CECR2: variants seen among roughly 807,000 people sequenced by gnomAD.
CECR2 encodes chromatin remodeling regulator CECR2.
In CECR2, 30 loss-of-function variants were observed where a neutral mutation model predicts 154.5. The ratio of observed to expected loss-of-function variants is 0.19; its 90% CI spans 0.15 to 0.26. CECR2 has a LOEUF of 0.26. Among genes scored for constraint, CECR2 ranks in the 10% least tolerant of loss-of-function variants. The pLI, the probability that CECR2 is intolerant of heterozygous loss-of-function variation, is 1.00. For synonymous variants in CECR2, 725 were observed against 683.7 expected, an observed-to-expected ratio of 1.06 and a Z score of -0.94; for missense variants, 1,743 against 1,829.3, an observed-to-expected ratio of 0.95 and a Z score of 0.86.
chr22:17,423,121 C>A (rs1057372239), intron 1 of CECR2, among the ~76,000 whole-genome samples: 2 of 152,046 alleles, frequency 1.3e-5, no homozygotes, highest in Non-Finnish European at 2.9e-5. Flanking sequence ...GTGAAGTAGG[C>A]CTTTAGCAAT....
At chr22:17,364,058 A>G (rs2062989256) in intron 1 of CECR2, among the ~76,000 whole-genome samples, 1 of 152,086 alleles carries the variant, frequency 6.6e-6, no homozygotes, top group South Asian at 2.1e-4. Flanking sequence ...AATTTGTGCC[A>G]TACTCCCGGG....
At chr22:17,533,239 G>A (rs897265072) in intron 9 of CECR2, among the ~76,000 whole-genome samples, 8 of 150,902 alleles carry the variant, frequency 5.3e-5, no homozygotes, top group Non-Finnish European at 1.0e-4. Flanking sequence ...AGAATCGCTT[G>A]TACCCAGGAG....
intron 8 of CECR2, among the ~76,000 whole-genome samples, chr22:17,523,138 C>T (rs1055764992): frequency 6.6e-6 from 1 of 151,986 alleles, no homozygotes; most frequent in African/African-American, 2.4e-5. Flanking sequence ...TGGAGTATTA[C>T]GCCTGTAATC....
At chr22:17,481,292 A>G (rs1317393923) in intron 2 of CECR2, among the ~76,000 whole-genome samples, 5 of 148,046 alleles carry the variant, frequency 3.4e-5, no homozygotes, top group Admixed American at 6.8e-5. Flanking sequence ...GCAGTGAGCC[A>G]AGATCGTGTC....
chr22:17,423,432 AGGAGGT>A (rs1466438430), intron 1 of CECR2, among the ~76,000 whole-genome samples: 1 of 151,922 alleles, frequency 6.6e-6, no homozygotes, highest in Non-Finnish European at 1.5e-5. Context: ...GCTTGAACCC[AGGAGGT>A]GGAAGCTGCA....
intron 1 of CECR2, among the ~76,000 whole-genome samples, chr22:17,380,415 G>A (rs139470036): frequency 6.6e-6 from 1 of 152,228 alleles, no homozygotes; most frequent in Non-Finnish European, 1.5e-5. Flanking sequence ...GACATTGGCC[G>A]GTTTAAATGA....
rs2056656998 is a variant in CECR2 at position 17,548,797 on chromosome 22, T to C, written c.3510T>C (p.Ser1170=). The change falls in exon 17 of 19, where the codon TCT becomes TCC. Residue 1170 remains serine, a synonymous_variant. Transcript: ENST00000262608. The stretch of plus-strand genomic sequence containing the variant: ...GCTTTCAGTCTAACCACCCACATTC[T>C]GGAGGCTTTCCCCGGTATCGCCCCC... ...PRGFQSNHPH[S]GGFPRYRPPQ... 6.2e-7 allele frequency: 1 copy of C among 1,613,652 alleles called. No homozygotes were observed. The highest frequency in any genetic ancestry group is 1.7e-5 in the Admixed American group (1 of 60,000).
chr22:17,364,161 G>A (rs985872798), intron 1 of CECR2, among the ~76,000 whole-genome samples: 11 of 151,604 alleles, frequency 7.3e-5, no homozygotes, highest in African/African-American at 2.7e-4. Flanking sequence ...GGCTAACACG[G>A]TGAAACCCCG....
intron 1 of CECR2, among the ~76,000 whole-genome samples, chr22:17,389,224 T>C (rs536032362): frequency 7.2e-5 from 11 of 152,290 alleles, no homozygotes; most frequent in Middle Eastern, 3.4e-3. Context: ...TTTTACACCA[T>C]GTGCTTTACT....
At chr22:17,374,041 C>G (rs2063089930) in intron 1 of CECR2, among the ~76,000 whole-genome samples, 1 of 152,172 alleles carries the variant, frequency 6.6e-6, no homozygotes, top group African/African-American at 2.4e-5. Flanking sequence ...TAAGGGAGGA[C>G]AGAATGATTT....
chr22:17,467,483 T>TG (rs773595853), intron 1 of CECR2, among the ~76,000 whole-genome samples: 1 of 152,060 alleles, frequency 6.6e-6, no homozygotes, highest in African/African-American at 2.4e-5. Flanking sequence ...CAGATTCACC[T>TG]GGGGCACTTT....
At chr22:17,520,953 C>T (rs1437390224) in intron 8 of CECR2, among the ~76,000 whole-genome samples, 1 of 152,074 alleles carries the variant, frequency 6.6e-6, no homozygotes, top group Non-Finnish European at 1.5e-5. Flanking sequence ...TGGGTATATA[C>T]CCAGTAATGG....
chr22:17,381,721 G>GA lies in CECR2; in HGVS notation c.126+11815dup, dbSNP rs562566105. Among the ~76,000 whole-genome samples, 19 of 152,184 alleles carry GA rather than the reference G, an allele frequency of 1.2e-4. No homozygotes were observed. In the South Asian group the frequency reaches 3.3e-3, roughly 27 times the overall value. On this transcript the variant is annotated intron_variant, in intron 1 of 18. Coordinates refer to ENST00000262608, the MANE Select transcript of CECR2 (RefSeq NM_001290047.2). ...AGGGGCAGGGCAGCAGTGGTATTGT[G>GA]AAACCTATGTTGTTTGCCCAGTGAG...
chr22:17,407,546 G>A (rs2054003395), intron 1 of CECR2, among the ~76,000 whole-genome samples: 1 of 151,696 alleles, frequency 6.6e-6, no homozygotes, highest in African/African-American at 2.4e-5. Flanking sequence ...AGTGAGCTGA[G>A]ATCGCATCAC....
At chr22:17,496,927 T>C (rs1358381052) in intron 2 of CECR2, among the ~76,000 whole-genome samples, 2 of 152,198 alleles carry the variant, frequency 1.3e-5, no homozygotes, top group African/African-American at 2.4e-5. Flanking sequence ...CAAAACACAA[T>C]ATCCATGTAA....
intron 1 of CECR2, among the ~76,000 whole-genome samples, chr22:17,440,207 CTG>C (rs145052413): frequency 0.012 from 1,765 of 151,046 alleles, 36 homozygotes; most frequent in African/African-American, 0.04. Flanking sequence ...TTATATAAAA[CTG>C]TGTGTGTGTG....
At chr22:17,504,790 A>C in intron 6 of CECR2, 57 bp from the exon 7 acceptor site, 1 of 1,492,648 alleles carries the variant, frequency 6.7e-7, no homozygotes, top group Non-Finnish European at 9.2e-7. Flanking sequence ...ATTGAGAATA[A>C]ATAAGGAAAG....
chr22:17,476,885 C>G (rs537939766), intron 1 of CECR2, among the ~76,000 whole-genome samples: 14 of 152,326 alleles, frequency 9.2e-5, no homozygotes, highest in Non-Finnish European at 1.5e-5. Flanking sequence ...TTCCCCACCA[C>G]CACTTTTTGT....
chr22:17,538,567 C>G lies in CECR2; in HGVS notation c.1276+10C>G. ...ACTGCTATGTATAAAGGTTAGTTCC[C>G]ATTCTCCACTGTTCTGTTTGTGATA... On this transcript the variant is annotated intron_variant, in intron 11 of 18. Coordinates refer to ENST00000262608, the MANE Select transcript of CECR2 (RefSeq NM_001290047.2). 6.2e-7 allele frequency: 1 copy of G among 1,613,742 alleles called. No homozygotes were observed. The highest frequency in any genetic ancestry group is 8.5e-7 in the Non-Finnish European group (1 of 1,179,660).
Sources: gnomAD v4.1 joint callset for allele counts (sites outside exome capture counted in the v4.1 genomes callset) on GRCh38, gnomAD v4.1.1 for gene constraint, MANE v1.5 for transcripts, NCBI Gene and HGNC (gene_info 2026-07-23, HGNC 2026-07-21) for gene names.